ZNF804B: variants seen among roughly 807,000 people sequenced by gnomAD.
ZNF804B encodes zinc finger 804B.
ZNF804B carries 80 observed loss-of-function variants against 101.4 expected under a neutral mutation model. That is an observed-to-expected ratio of 0.79 (90% CI 0.66 to 0.95). The LOEUF (loss-of-function observed/expected upper bound fraction) is 0.95. ZNF804B is among the 40% of genes least tolerant of loss of function. The pLI is 0.00. For synonymous variants in ZNF804B, 622 were observed against 558.8 expected (o/e 1.11, Z -1.59); for missense variants, 1,673 against 1,561.9 (o/e 1.07, Z -1.20).
intron 1 of ZNF804B, among the ~76,000 whole-genome samples, chr7:88,928,916 C>T (rs894461813): frequency 6.6e-6 from 1 of 151,896 alleles, no homozygotes; most frequent in Non-Finnish European, 1.5e-5. Context: ...TTAGTTGGCT[C>T]ATATATGACA....
chr7:89,301,928 G>A (rs564400958), intron 2 of ZNF804B, among the ~76,000 whole-genome samples: 31 of 151,702 alleles, frequency 2.0e-4, no homozygotes, highest in African/African-American at 7.5e-4. Flanking sequence ...CATAAATTAA[G>A]CACCGAACAA....
At chr7:89,148,676 TA>T (rs1310311574) in intron 1 of ZNF804B, among the ~76,000 whole-genome samples, 1 of 152,096 alleles carries the variant, frequency 6.6e-6, no homozygotes, top group African/African-American at 2.4e-5. Flanking sequence ...AAACTTCTGC[TA>T]TTGAAATGTA....
At chr7:88,766,931 T>C (rs182063563) in intron 1 of ZNF804B, among the ~76,000 whole-genome samples, 1 of 152,344 alleles carries the variant, frequency 6.6e-6, no homozygotes, top group Non-Finnish European at 1.5e-5. Flanking sequence ...GGCAATTTCC[T>C]TTTGGCAAAT....
chr7:88,862,190 A>C (rs1046874047), intron 1 of ZNF804B, among the ~76,000 whole-genome samples: 1 of 152,186 alleles, frequency 6.6e-6, no homozygotes, highest in Non-Finnish European at 1.5e-5. Flanking sequence ...CATATTTTAA[A>C]CTTTCTTTGA....
intron 2 of ZNF804B, among the ~76,000 whole-genome samples, chr7:89,319,733 T>C (rs951562155): frequency 4.6e-5 from 7 of 152,164 alleles, no homozygotes; most frequent in African/African-American, 1.7e-4. Context: ...GAAGTATTAG[T>C]GTAGAGAACT....
chr7:88,765,418 G>A (rs894080414), intron 1 of ZNF804B, among the ~76,000 whole-genome samples: 2 of 152,100 alleles, frequency 1.3e-5, no homozygotes, highest in East Asian at 1.9e-4. Flanking sequence ...TGTATAAAGT[G>A]TATGCACTAA....
intron 1 of ZNF804B, among the ~76,000 whole-genome samples, chr7:88,972,248 T>A (rs1793550279): frequency 6.6e-6 from 1 of 151,582 alleles, no homozygotes; most frequent in African/African-American, 2.4e-5. Flanking sequence ...CTGTCTCATT[T>A]CTCACCAGCT....
At chr7:89,169,223 G>T (rs1791189835) in intron 1 of ZNF804B, among the ~76,000 whole-genome samples, 2 of 152,110 alleles carry the variant, frequency 1.3e-5, no homozygotes, top group African/African-American at 4.8e-5. Context: ...CTCAGCTCGA[G>T]CTGGAACAAA....
chr7:89,160,014 T>C (rs917273089), intron 1 of ZNF804B, among the ~76,000 whole-genome samples: 4 of 152,172 alleles, frequency 2.6e-5, no homozygotes, highest in Non-Finnish European at 5.9e-5. Flanking sequence ...TATGATGGAA[T>C]GATGTTGCAG....
At chr7:88,847,109 G>C (rs1230388067) in intron 1 of ZNF804B, among the ~76,000 whole-genome samples, 1 of 151,922 alleles carries the variant, frequency 6.6e-6, no homozygotes, top group Non-Finnish European at 1.5e-5. Context: ...GATACTCTCA[G>C]TGTAAATTAG....
At chr7:88,790,182 A>G (rs1790357149) in intron 1 of ZNF804B, among the ~76,000 whole-genome samples, 1 of 152,116 alleles carries the variant, frequency 6.6e-6, no homozygotes, top group Non-Finnish European at 1.5e-5. Flanking sequence ...ATATGTTCAC[A>G]CTGTTAAATA....
At chr7:88,903,969 T>G (rs1342002925) in intron 1 of ZNF804B, among the ~76,000 whole-genome samples, 1 of 152,160 alleles carries the variant, frequency 6.6e-6, no homozygotes, top group Non-Finnish European at 1.5e-5. Flanking sequence ...AGGTCCCACT[T>G]GTCAATATTT....
At chr7:88,787,728 C>G (rs1790322970) in intron 1 of ZNF804B, among the ~76,000 whole-genome samples, 1 of 152,120 alleles carries the variant, frequency 6.6e-6, no homozygotes, top group Non-Finnish European at 1.5e-5. Context: ...GGTAAAGAAA[C>G]AAATTACACT....
At chr7:89,103,304 G>A (rs925175884) in intron 1 of ZNF804B, among the ~76,000 whole-genome samples, 2 of 150,712 alleles carry the variant, frequency 1.3e-5, no homozygotes, top group African/African-American at 2.4e-5. Context: ...TGAATCTAGA[G>A]GTTGCTTTGG....
At chr7:89,217,205 G>A (rs953154985) in intron 1 of ZNF804B, among the ~76,000 whole-genome samples, 2 of 152,146 alleles carry the variant, frequency 1.3e-5, no homozygotes, top group African/African-American at 2.4e-5. Context: ...ATAGAAGCAG[G>A]GTTTGATAAA....
rs148965045 is a variant in ZNF804B, at chr7:89,285,798, C to T, written c.250-41546C>T. On this transcript the variant is annotated intron_variant, in intron 2 of 3. Coordinates refer to ENST00000333190, the MANE Select transcript of ZNF804B (RefSeq NM_181646.5). ...TCCCTTATCCACAATGCTTTTAAAC[C>T]TCAAGTCTTGAAAGAAAAGATAGAC... 5.0e-3 allele frequency among the ~76,000 whole-genome samples: 754 copies of T among 152,106 alleles called. 7 individuals carry two copies. Among genetic ancestry groups the T allele is most frequent in the Non-Finnish European group, 5.5e-3 (373 of 67,970 alleles).
intron 1 of ZNF804B, among the ~76,000 whole-genome samples, chr7:89,187,338 C>T (rs1788389285): frequency 6.6e-6 from 1 of 152,046 alleles, no homozygotes; most frequent in Non-Finnish European, 1.5e-5. Context: ...TCTCACCAGT[C>T]GATTGCAAAT....
chr7:89,074,479 C>T lies in ZNF804B; in HGVS notation c.109-143676C>T, dbSNP rs144944001. ...TCTTAAAAAGGGGAGTTTCCTTGCACAAGCTCTCTCTTTGCCTGCCCTCAT... is the reference window on the plus strand; with the variant it reads ...TCTTAAAAAGGGGAGTTTCCTTGCATAAGCTCTCTCTTTGCCTGCCCTCAT... On this transcript the variant is annotated intron_variant, in intron 1 of 3. Coordinates refer to ENST00000333190, the MANE Select transcript of ZNF804B (RefSeq NM_181646.5). 1.2e-3 allele frequency among the ~76,000 whole-genome samples: 189 copies of T among 152,252 alleles called. 1 individual carries two copies. The highest frequency in any genetic ancestry group is 0.01 in the Middle Eastern group (3 of 292).
At chr7:88,789,186 G>A (rs868470067) in intron 1 of ZNF804B, among the ~76,000 whole-genome samples, 1 of 151,964 alleles carries the variant, frequency 6.6e-6, no homozygotes, top group Non-Finnish European at 1.5e-5. Context: ...ATAAGAACTA[G>A]TTTTTTTGTA....
Sources: allele counts gnomAD v4.1 joint callset (sites outside exome capture counted in the v4.1 genomes callset), GRCh38; gene constraint gnomAD v4.1.1; transcripts MANE v1.5; gene names NCBI Gene and HGNC (gene_info 2026-07-23, HGNC 2026-07-21).